The following GOLGA4 variants were observed in gnomAD, a reference collection of about 807,000 sequenced individuals.
The protein encoded by GOLGA4 is golgin subfamily A member 4.
In GOLGA4, 169 loss-of-function variants were observed where a neutral mutation model predicts 265.9. That is an observed-to-expected ratio of 0.64 (90% CI 0.56 to 0.72). GOLGA4 has a LOEUF of 0.72. Ranked by LOEUF, GOLGA4 falls within the 30% of genes least tolerant of loss-of-function variation. The probability of loss-of-function intolerance (pLI) is 0.00; values close to 1 mark genes in which losing one functional copy is unlikely to be tolerated. For synonymous variants in GOLGA4, 923 were observed against 855.8 expected (o/e 1.08, Z -1.37); for missense variants, 2,482 against 2,483.4 (o/e 1.00, Z 0.01).
rs185740112 is a variant in GOLGA4 at position 37,344,163 on chromosome 3, G to A, written c.6473-3030G>A. On this transcript the variant is annotated intron_variant, in intron 20 of 23. Transcript: ENST00000361924. Reference sequence around the variant, plus strand: ...GTCATTCAGGCTGGAGTGTAGTGGCGTAGCCTTGGCTCACTGGGACCTCTG... The same window carrying A: ...GTCATTCAGGCTGGAGTGTAGTGGCATAGCCTTGGCTCACTGGGACCTCTG... Among the ~76,000 whole-genome samples, 10 of 152,326 alleles carry A rather than the reference G, an allele frequency of 6.6e-5. No homozygotes were observed. The East Asian group carries it at 1.4e-3, about 21-fold the overall frequency.
rs1440773978 is a variant in GOLGA4 at position 37,328,528 on chromosome 3, G to T, written c.6052G>T (p.Glu2018Ter). 2 of 1,610,702 alleles carry T rather than the reference G, an allele frequency of 1.2e-6. No individual in the cohort carries two copies. Among genetic ancestry groups the T allele is most frequent in the Non-Finnish European group, 8.5e-7 (1 of 1,178,494 alleles). ...ACAAGAGCTGGAAATGACCATAAAA[G>T]AAACTATCAGTAAGTAAAATTAAGT... ...KEQELEMTIKETINKAQEVEA... is the reference protein window; with the variant it reads ...KEQELEMTIK The change falls in exon 15 of 24, where the codon GAA becomes TAA. Residue 2018 changes from glutamate to a stop codon, truncating the protein, a stop_gained. Transcript: ENST00000361924. LOFTEE classifies it high-confidence loss of function.
At chr3:37,267,549 A>G (rs1163921248) in intron 2 of GOLGA4, among the ~76,000 whole-genome samples, 3 of 152,206 alleles carry the variant, frequency 2.0e-5, no homozygotes, top group African/African-American at 4.8e-5. Flanking sequence ...ACATTTTCCT[A>G]TTGAAAGTAT....
intron 16 of GOLGA4, among the ~76,000 whole-genome samples, chr3:37,330,572 A>C (rs1476456459): frequency 6.6e-6 from 1 of 152,136 alleles, no homozygotes; most frequent in Non-Finnish European, 1.5e-5. Context: ...GTTCCTCCTT[A>C]AAAATCTGCT....
At position 37,315,443 on chromosome 3, in the gene GOLGA4, T is replaced by C; in HGVS notation, c.1258T>C (p.Leu420=). ...AGCTTTTGAGGAACTTGAAAAAGCT[T>C]TGAGTACAGCCCAAAAAACAGAGGA... ...RAAFEELEKA[L]STAQKTEEAR... The change falls in exon 11 of 24, where the codon TTG becomes CTG. Residue 420 remains leucine (L), a synonymous_variant. Transcript: ENST00000361924. 2 of 1,613,356 alleles carry C rather than the reference T, an allele frequency of 1.2e-6. No homozygotes were observed. Among genetic ancestry groups the C allele is most frequent in the South Asian group, 2.2e-5 (2 of 90,978 alleles).
Position 37,276,520 on chromosome 3 carries a change from A to G in GOLGA4, c.163-5438A>G, listed in dbSNP as rs115776668. The G allele has an allele frequency of 9.9e-4, 1,591 of 1,606,100 alleles. 11 individuals are homozygous for G. In the African/African-American group the frequency reaches 0.018, roughly 18 times the overall value. ...AGAAGAATTGCACTTACACACAGGT[A>G]CAAACCCGTAGTGCTGATGAACCAG... On this transcript the variant is annotated intron_variant, in intron 2 of 23. Transcript: ENST00000361924.
At chr3:37,357,580 A>G (rs945536789) in intron 22 of GOLGA4, among the ~76,000 whole-genome samples, 2 of 152,214 alleles carry the variant, frequency 1.3e-5, no homozygotes, top group Non-Finnish European at 2.9e-5. Context: ...ATTTGAGTCA[A>G]CTTTTGTCAA....
In GOLGA4 at chr3:37,296,022, A is replaced by G. The variant is rs188313629; in HGVS notation, c.682-65A>G. On this transcript the variant is annotated intron_variant, in intron 6 of 23. Transcript: ENST00000361924. The stretch of plus-strand genomic sequence containing the variant: ...TGGAACCAATCCCCCACAGATACCA[A>G]GGGACAATTGTACTACTCCCATAGT... 1,454 of 1,427,050 alleles carry G rather than the reference A, an allele frequency of 1.0e-3. 19 individuals carry two copies. Among genetic ancestry groups the G allele is most frequent in the Non-Finnish European group, 7.9e-5 (80 of 1,013,052 alleles). 88.4% of individuals were successfully genotyped at this position (1,427,050 alleles called of 1,614,324 possible). A position where few individuals can be genotyped will look rare whatever the true frequency, so the allele number is the denominator to read the frequency against.
At chr3:37,309,643 A>G (rs2096917766) in intron 10 of GOLGA4, among the ~76,000 whole-genome samples, 1 of 152,364 alleles carries the variant, frequency 6.6e-6, no homozygotes, top group South Asian at 2.1e-4. Context: ...TTTTCATTCT[A>G]CCTATATTTT....
intron 2 of GOLGA4, chr3:37,275,758 T>G: frequency 6.2e-7 from 1 of 1,613,278 alleles, no homozygotes; most frequent in East Asian, 2.2e-5. Context: ...AGAACGCGGC[T>G]GGAGCATTGG....
chr3:37,264,179 C>A (rs1181757389), intron 2 of GOLGA4, among the ~76,000 whole-genome samples: 1 of 152,170 alleles, frequency 6.6e-6, no homozygotes, highest in Admixed American at 6.5e-5. Flanking sequence ...TTCAAATATA[C>A]TCCTCTGAAG....
At chr3:37,350,111 A>C (rs1012612904) in intron 21 of GOLGA4, among the ~76,000 whole-genome samples, 2 of 152,126 alleles carry the variant, frequency 1.3e-5, no homozygotes, top group Non-Finnish European at 2.9e-5. Context: ...CTGGCAGGAG[A>C]GATCACTTGT....
In GOLGA4 at chr3:37,324,696, G is replaced by C. The variant is rs1050242109; in HGVS notation, c.2810G>C (p.Ser937Thr). 1 of 1,604,468 alleles carries C rather than the reference G, an allele frequency of 6.2e-7. No individual in the cohort carries two copies. Among genetic ancestry groups the C allele is most frequent in the Non-Finnish European group, 8.5e-7 (1 of 1,177,312 alleles). ...LTQKLSAKED[S>T]IHILNEEYET... is the part of the protein sequence containing the mutation. ...CAGAAATTGTCAGCCAAGGAGGACA[G>C]TATTCATATTTTGAATGAGGAATAT... Residue 937 changes from serine (S) to threonine (T), a missense_variant, in exon 14 of 24, where the codon AGT becomes ACT. Coordinates refer to ENST00000361924, the MANE Select transcript of GOLGA4 (RefSeq NM_002078.5).
At position 37,315,590 on chromosome 3, in the gene GOLGA4, G is replaced by A; in HGVS notation, c.1405G>A (p.Val469Ile). 7.4e-6 allele frequency: 12 copies of A among 1,611,604 alleles called. No homozygotes were observed. Among genetic ancestry groups the A allele is most frequent in the Non-Finnish European group, 1.0e-5 (12 of 1,177,980 alleles). ...LSRVKQEVVDVMKKSSEEQIA... is the reference protein window; with the variant it reads ...LSRVKQEVVDIMKKSSEEQIA... Reference sequence around the variant, plus strand: ...TCGGGTGAAACAGGAGGTTGTTGATGTAATGAAAGTAAGAATAATTCTGTA... The same window carrying A: ...TCGGGTGAAACAGGAGGTTGTTGATATAATGAAAGTAAGAATAATTCTGTA... The change falls in exon 11 of 24, where the codon GTA (valine) becomes ATA (isoleucine). Residue 469 changes from valine to isoleucine, a missense_variant. Around this residue, in one of 3 missense-constraint regions of GOLGA4, gnomAD observed 1,536 missense variants for 1,483.7 expected, o/e 1.04. Transcript: ENST00000361924.
chr3:37,274,160 CTG>C (rs1219698845), intron 2 of GOLGA4, among the ~76,000 whole-genome samples: 1 of 148,068 alleles, frequency 6.8e-6, no homozygotes, highest in East Asian at 2.0e-4. Flanking sequence ...TTTTGAAAAA[CTG>C]TGATCTGAGT....
chr3:37,321,120 G>A (rs567679270), intron 12 of GOLGA4, among the ~76,000 whole-genome samples: 81 of 152,254 alleles, frequency 5.3e-4, no homozygotes, highest in South Asian at 1.7e-3. Flanking sequence ...TTAATTGACT[G>A]TTAGAAGTAC....
intron 16 of GOLGA4, among the ~76,000 whole-genome samples, chr3:37,332,977 C>T (rs1340569604): frequency 1.3e-5 from 2 of 152,192 alleles, no homozygotes; most frequent in Non-Finnish European, 2.9e-5. Flanking sequence ...AATCTGTCCT[C>T]TCCCTTAGAC....
chr3:37,344,492 CTTTTTTTTT>C (rs56761489), intron 20 of GOLGA4, among the ~76,000 whole-genome samples: 6 of 118,204 alleles, frequency 5.1e-5, no homozygotes, highest in South Asian at 2.7e-4. Context: ...ACCTCACTGT[CTTTTTTTTT>C]TTTTTTTTTT....
intron 5 of GOLGA4, among the ~76,000 whole-genome samples, chr3:37,292,141 G>C (rs1344993990): frequency 2.0e-5 from 3 of 152,120 alleles, no homozygotes; most frequent in Non-Finnish European, 4.4e-5. Flanking sequence ...GAAAACTATA[G>C]TATAAATCGA....
intron 2 of GOLGA4, among the ~76,000 whole-genome samples, chr3:37,267,547 C>T (rs1300421069): frequency 1.3e-5 from 2 of 152,026 alleles, no homozygotes; most frequent in African/African-American, 4.8e-5. Flanking sequence ...GGACATTTTC[C>T]TATTGAAAGT....
Sources: allele counts gnomAD v4.1 joint callset (sites outside exome capture counted in the v4.1 genomes callset), GRCh38; gene constraint gnomAD v4.1.1; regional missense constraint gnomAD v4.1.1; transcripts MANE v1.5; gene names NCBI Gene and HGNC (gene_info 2026-07-23, HGNC 2026-07-21).